Variants in HMGCLL1 observed in about 807,000 individuals in gnomAD.
The protein encoded by HMGCLL1 is 3-hydroxymethyl-3-methylglutaryl-CoA lyase, cytoplasmic.
HMGCLL1 carries 36 observed loss-of-function variants against 39.1 expected under a neutral mutation model. That is an observed-to-expected ratio of 0.92 (90% CI 0.71 to 1.22). The LOEUF is 1.22. Among genes scored for constraint, HMGCLL1 ranks in the 50% most tolerant of loss-of-function variants. The pLI, the probability that HMGCLL1 is intolerant of heterozygous loss-of-function variation, is 0.00. For synonymous variants in HMGCLL1, 149 were observed against 144.0 expected, an observed-to-expected ratio of 1.03 and a Z score of -0.25; for missense variants, 451 against 416.5, an observed-to-expected ratio of 1.08 and a Z score of -0.72.
At chr6:55,502,733 A>G (rs1766957356) in intron 5 of HMGCLL1, among the ~76,000 whole-genome samples, 1 of 147,800 alleles carries the variant, frequency 6.8e-6, no homozygotes, top group Non-Finnish European at 1.5e-5. Flanking sequence ...TTTTGCTTGC[A>G]TTGTGAATTT....
chr6:55,461,591 G>A (rs1231958779), intron 7 of HMGCLL1, among the ~76,000 whole-genome samples: 8 of 152,076 alleles, frequency 5.3e-5, no homozygotes, highest in South Asian at 2.1e-4. Flanking sequence ...TAAATGTACC[G>A]GCTATAAACT....
At position 55,499,269 on chromosome 6, in the gene HMGCLL1, A is replaced by T; in HGVS notation, c.573T>A (p.Tyr191Ter). ...GYVSCALGCPYEGSITPQKVT... is the reference protein window; with the variant it reads ...GYVSCALGCP ...CTTTTTGCGGTGTAATACTTCCTTC[A>T]TATGGACAGCCCAGAGCACAAGACA... Residue 191 changes from tyrosine (Y) to a stop codon, truncating the protein, a stop_gained, in exon 6 of 9, where the codon TAT (tyrosine) becomes TAA (stop). Coordinates refer to ENST00000274901, the MANE Select transcript of HMGCLL1 (RefSeq NM_001042406.2). LOFTEE classifies it high-confidence loss of function. 6.2e-7 allele frequency: 1 copy of T among 1,610,888 alleles called. No homozygotes were observed.
chr6:55,532,910 C>T (rs1023352313), intron 3 of HMGCLL1, among the ~76,000 whole-genome samples: 1 of 150,300 alleles, frequency 6.7e-6, no homozygotes, highest in African/African-American at 2.4e-5. Flanking sequence ...TTTTTTTGAG[C>T]GAGACAAAGA....
the HMGCLL1 span, among the ~76,000 whole-genome samples, chr6:55,592,766 T>A: frequency 6.6e-6 from 1 of 152,176 alleles, no homozygotes; most frequent in Middle Eastern, 3.4e-3. Context: ...AATATTTAAG[T>A]GGACACTAAT....
chr6:55,611,586 C>T, the HMGCLL1 span, among the ~76,000 whole-genome samples: 6 of 152,276 alleles, frequency 3.9e-5, no homozygotes, highest in South Asian at 1.0e-3. Context: ...CAAACCAAAT[C>T]CAAGAGTACC....
At chr6:55,559,011 T>C (rs1770808317) in intron 1 of HMGCLL1, among the ~76,000 whole-genome samples, 1 of 152,124 alleles carries the variant, frequency 6.6e-6, no homozygotes, top group Non-Finnish European at 1.5e-5. Flanking sequence ...CATTTAGCTA[T>C]GGATCCAACC....
At chr6:55,610,493 T>G in the HMGCLL1 span, among the ~76,000 whole-genome samples, 1 of 151,760 alleles carries the variant, frequency 6.6e-6, no homozygotes. Flanking sequence ...GAAAAAAGAA[T>G]GAAAAGGAAT....
chr6:55,499,337 TA>T, intron 5 of HMGCLL1, 38 bp from the exon 6 acceptor site: 1 of 1,411,242 alleles, frequency 7.1e-7, no homozygotes, highest in African/African-American at 1.5e-5. Flanking sequence ...ATGCATATGG[TA>T]AATAAGCCAT....
chr6:55,640,811 A>G, the HMGCLL1 span, among the ~76,000 whole-genome samples: 2 of 151,746 alleles, frequency 1.3e-5, no homozygotes, highest in Non-Finnish European at 2.9e-5. Flanking sequence ...TTTTACTTCT[A>G]TGAACTAAAG....
At chr6:55,606,912 G>A in the HMGCLL1 span, among the ~76,000 whole-genome samples, 1 of 152,022 alleles carries the variant, frequency 6.6e-6, no homozygotes, top group African/African-American at 2.4e-5. Context: ...GGGAGAGAGA[G>A]AAAGAGAGAG....
At chr6:55,596,310 G>A in the HMGCLL1 span, among the ~76,000 whole-genome samples, 2 of 152,150 alleles carry the variant, frequency 1.3e-5, no homozygotes, top group African/African-American at 2.4e-5. Context: ...CTGGGTGACA[G>A]CAGTGAAACC....
intron 1 of HMGCLL1, among the ~76,000 whole-genome samples, chr6:55,571,677 C>T (rs778707134): frequency 5.3e-5 from 8 of 151,858 alleles, no homozygotes; most frequent in Non-Finnish European, 1.2e-4. Flanking sequence ...GGCACAGTAG[C>T]GGGCACCTGT....
At chr6:55,666,021 C>T in the HMGCLL1 span, among the ~76,000 whole-genome samples, 1 of 151,648 alleles carries the variant, frequency 6.6e-6, no homozygotes, top group East Asian at 1.9e-4. Flanking sequence ...TTGACTAGAA[C>T]ATAAGCTTCT....
At chr6:55,661,740 G>T in the HMGCLL1 span, among the ~76,000 whole-genome samples, 1,218 of 151,418 alleles carry the variant, frequency 8.0e-3, 11 homozygotes, top group African/African-American at 0.028. Context: ...TTTTTTTCTA[G>T]TTCTGTGAAG....
chr6:55,611,009 A>C, the HMGCLL1 span, among the ~76,000 whole-genome samples: 1 of 152,200 alleles, frequency 6.6e-6, no homozygotes, highest in African/African-American at 2.4e-5. Context: ...CATAATTGGA[A>C]GTAAAACACT....
In HMGCLL1 at chr6:55,469,912, A is replaced by T. The variant is rs189527348; in HGVS notation, c.795+25507T>A. The stretch of plus-strand genomic sequence containing the variant: ...AATGTCCCTTTTTCAGAAGCACCAA[A>T]GATTAACCGATTAGAATGTTTTCCA... On this transcript the variant is annotated intron_variant, in intron 7 of 8. Coordinates refer to ENST00000274901, the MANE Select transcript of HMGCLL1 (RefSeq NM_001042406.2). Among the ~76,000 whole-genome samples, 5 of 152,024 alleles carry T rather than the reference A, an allele frequency of 3.3e-5. No individual in the cohort carries two copies. In the East Asian group the frequency reaches 9.7e-4, roughly 29 times the overall value.
chr6:55,486,997 T>C (rs1766066670), intron 7 of HMGCLL1, among the ~76,000 whole-genome samples: 1 of 152,012 alleles, frequency 6.6e-6, no homozygotes, highest in Non-Finnish European at 1.5e-5. Flanking sequence ...AGGGAACTAA[T>C]TCTATTCATG....
chr6:55,458,675 G>A (rs1282453201), intron 7 of HMGCLL1, among the ~76,000 whole-genome samples: 4 of 152,176 alleles, frequency 2.6e-5, no homozygotes, highest in South Asian at 2.1e-4. Context: ...TAGCAGGGCC[G>A]TGTCTTATGA....
At chr6:55,547,052 G>C (rs1281108427) in intron 1 of HMGCLL1, among the ~76,000 whole-genome samples, 1 of 152,002 alleles carries the variant, frequency 6.6e-6, no homozygotes, top group African/African-American at 2.4e-5. Flanking sequence ...AAGCTACTCT[G>C]TGAGGTAGGC....
Sources: allele counts gnomAD v4.1 joint callset (sites outside exome capture counted in the v4.1 genomes callset), GRCh38; gene constraint gnomAD v4.1.1; transcripts MANE v1.5; gene names NCBI Gene and HGNC (gene_info 2026-07-23, HGNC 2026-07-21).